CNOT2: variants seen among roughly 807,000 people sequenced by gnomAD.
The protein encoded by CNOT2 is CCR4-NOT transcription complex subunit 2.
Under a neutral mutation model 72.1 loss-of-function variants are expected in CNOT2, and 7 were observed. The observed-to-expected ratio is 0.10, with a 90% CI of 0.06 to 0.18. The LOEUF (loss-of-function observed/expected upper bound fraction) is 0.18, where lower values mean the gene tolerates loss of function less well. Ranked by LOEUF, CNOT2 falls within the 10% of genes least tolerant of loss-of-function variation. The pLI, the probability that CNOT2 is intolerant of heterozygous loss-of-function variation, is 1.00. For synonymous variants in CNOT2, 196 were observed against 225.6 expected (o/e 0.87, Z 1.17); for missense variants, 345 against 660.3 (o/e 0.52, Z 5.23).
intron 15 of CNOT2, among the ~76,000 whole-genome samples, chr12:70,353,484 T>A (rs1883124371): frequency 6.6e-6 from 1 of 152,172 alleles, no homozygotes; most frequent in African/African-American, 2.4e-5. Flanking sequence ...GGGGGCTTTA[T>A]TTTAAATATC....
intron 15 of CNOT2, among the ~76,000 whole-genome samples, chr12:70,351,406 T>A (rs1049918909): frequency 6.6e-6 from 1 of 152,154 alleles, no homozygotes; most frequent in African/African-American, 2.4e-5. Context: ...TCAAAGTAAC[T>A]TATGTATTTT....
At chr12:70,313,502 A>G (rs781467545) in intron 3 of CNOT2, among the ~76,000 whole-genome samples, 4 of 152,038 alleles carry the variant, frequency 2.6e-5, no homozygotes, top group Non-Finnish European at 5.9e-5. Flanking sequence ...ATTTATGTCC[A>G]TTAGAAATGT....
intron 1 of CNOT2, among the ~76,000 whole-genome samples, chr12:70,266,389 C>T: frequency 6.6e-6 from 1 of 152,112 alleles, no homozygotes; most frequent in East Asian, 1.9e-4. Context: ...TCCCAAAGTG[C>T]TGGGATTACA....
intron 2 of CNOT2, among the ~76,000 whole-genome samples, chr12:70,306,493 T>C (rs1051689742): frequency 2.0e-5 from 3 of 152,190 alleles, no homozygotes; most frequent in African/African-American, 4.8e-5. Flanking sequence ...TTAGTTCTTA[T>C]GAAATCAAAG....
chr12:70,260,392 C>T (rs1352806683), intron 1 of CNOT2, among the ~76,000 whole-genome samples: 1 of 151,934 alleles, frequency 6.6e-6, no homozygotes, highest in Non-Finnish European at 1.5e-5. Context: ...CTCTTGGATG[C>T]TTCAGAAATG....
At chr12:70,338,373 T>C (rs1347754003) in intron 9 of CNOT2, 70 bp from the exon 10 acceptor site, 2 of 1,259,250 alleles carry the variant, frequency 1.6e-6, no homozygotes, top group African/African-American at 3.0e-5. Flanking sequence ...AATAGCAAGG[T>C]ATTAATATGT....
chr12:70,341,610 GT>G (rs1180012145), intron 11 of CNOT2, among the ~76,000 whole-genome samples: 1 of 152,090 alleles, frequency 6.6e-6, no homozygotes, highest in Non-Finnish European at 1.5e-5. Context: ...CAGTGATCTT[GT>G]TTTGCTCACT....
In CNOT2 at chr12:70,321,195, TTAGA is replaced by T. The variant is rs566701503; in HGVS notation, c.238+1836_238+1839del. On this transcript the variant is annotated intron_variant, in intron 4 of 15. Transcript: ENST00000229195. Reference sequence around the variant, plus strand: ...CTCTTTTAAAATGACATTTTAAGTGTTAGATAGAGTACAGAAAAATTGAATCTTA... The same window carrying T: ...CTCTTTTAAAATGACATTTTAAGTGTTAGAGTACAGAAAAATTGAATCTTA... 2.5e-3 allele frequency among the ~76,000 whole-genome samples: 378 copies of T among 151,966 alleles called. 4 individuals are homozygous for T. The highest frequency in any genetic ancestry group is 0.017 in the Admixed American group (251 of 15,204).
In CNOT2 at chr12:70,320,525, G is replaced by A. The variant is rs191852675; in HGVS notation, c.238+1161G>A. Among the ~76,000 whole-genome samples the A allele has an allele frequency of 9.2e-5, 14 of 151,610 alleles. No homozygotes were observed. The Admixed American group carries it at 9.2e-4, about 10-fold the overall frequency. On this transcript the variant is annotated intron_variant, in intron 4 of 15. Transcript: ENST00000229195. ...AGTTTCTCCAATTAAACCAAGAAAC[G>A]TATTTCCAAAGCTTATTACATAAAA... is the stretch of plus-strand genomic sequence containing the variant.
intron 11 of CNOT2, among the ~76,000 whole-genome samples, chr12:70,339,162 A>G (rs1881156184): frequency 1.3e-5 from 2 of 151,544 alleles, no homozygotes; most frequent in African/African-American, 4.9e-5. Flanking sequence ...TCCTCCAGGA[A>G]TTTTTGTCCT....
chr12:70,281,779 C>T, intron 2 of CNOT2, among the ~76,000 whole-genome samples: 1 of 149,426 alleles, frequency 6.7e-6, no homozygotes, highest in East Asian at 1.9e-4. Flanking sequence ...TAGACTTGTG[C>T]AGTCCAATGC....
rs149442001 is a variant in CNOT2 at position 70,284,171 on chromosome 12, C to T, written c.48+5897C>T. Among the ~76,000 whole-genome samples, 7 of 151,958 alleles carry T rather than the reference C, an allele frequency of 4.6e-5. No individual in the cohort carries two copies. The East Asian group carries it at 1.4e-3, about 30-fold the overall frequency. ...ATGTTGGTCAGGCTGGTCTCGAACT[C>T]CTGACCTGAGGTGATCCATCTGCCT... On this transcript the variant is annotated intron_variant, in intron 2 of 15. Coordinates refer to ENST00000229195, the MANE Select transcript of CNOT2 (RefSeq NM_014515.7).
intron 2 of CNOT2, among the ~76,000 whole-genome samples, chr12:70,294,536 G>A (rs1023570969): frequency 2.0e-5 from 3 of 151,996 alleles, no homozygotes; most frequent in Admixed American, 6.6e-5. Flanking sequence ...ATAATGCAAA[G>A]GAAGGTTCTT....
At chr12:70,260,415 T>A (rs1958689255) in intron 1 of CNOT2, among the ~76,000 whole-genome samples, 1 of 152,168 alleles carries the variant, frequency 6.6e-6, no homozygotes, top group Non-Finnish European at 1.5e-5. Context: ...GTTATTTTCT[T>A]AATTTCATTT....
chr12:70,255,500 G>A (rs183333625), intron 1 of CNOT2, among the ~76,000 whole-genome samples: 1 of 152,056 alleles, frequency 6.6e-6, no homozygotes, highest in Non-Finnish European at 1.5e-5. Flanking sequence ...AAGGCAAGCA[G>A]AATAGTACTA....
At chr12:70,350,286 TG>T (rs1470944791) in intron 15 of CNOT2, among the ~76,000 whole-genome samples, 6 of 152,312 alleles carry the variant, frequency 3.9e-5, no homozygotes, top group Non-Finnish European at 7.4e-5. Context: ...TTTGACCTCG[TG>T]GATCTATCAG....
intron 2 of CNOT2, among the ~76,000 whole-genome samples, chr12:70,279,034 A>G (rs1383679387): frequency 6.6e-6 from 1 of 152,244 alleles, no homozygotes; most frequent in Non-Finnish European, 1.5e-5. Context: ...TCCAGAATAC[A>G]GAATACTTTA....
chr12:70,264,944 A>G (rs1958949914), intron 1 of CNOT2, among the ~76,000 whole-genome samples: 1 of 151,692 alleles, frequency 6.6e-6, no homozygotes, highest in Admixed American at 6.6e-5. Flanking sequence ...GTTTTTTTTC[A>G]TTGATTGAAT....
intron 1 of CNOT2, among the ~76,000 whole-genome samples, chr12:70,245,519 A>G (rs1957839459): frequency 1.3e-5 from 2 of 152,168 alleles, no homozygotes; most frequent in Admixed American, 1.3e-4. Context: ...CAATGTAGAG[A>G]TATCTGTAAC....
Sources: gnomAD v4.1 joint callset for allele counts (sites outside exome capture counted in the v4.1 genomes callset) on GRCh38, gnomAD v4.1.1 for gene constraint, MANE v1.5 for transcripts, NCBI Gene and HGNC (gene_info 2026-07-23, HGNC 2026-07-21) for gene names.